The following USP25 variants were observed in gnomAD, a reference collection of about 807,000 sequenced individuals.
USP25 encodes ubiquitin carboxyl-terminal hydrolase 25.
USP25 carries 85 observed loss-of-function variants against 158.5 expected under a neutral mutation model. The observed-to-expected ratio is 0.54, with a 90% CI of 0.45 to 0.64. The LOEUF (loss-of-function observed/expected upper bound fraction) is 0.64, where lower values mean the gene tolerates loss of function less well. Ranked by LOEUF, USP25 falls within the 30% of genes least tolerant of loss-of-function variation. The pLI, the probability that USP25 is intolerant of heterozygous loss-of-function variation, is 0.00. For synonymous variants in USP25, 464 were observed against 460.4 expected (o/e 1.01, Z -0.10); for missense variants, 1,242 against 1,327.3 (o/e 0.94, Z 1.00).
At chr21:15,827,268 G>A in intron 14 of USP25, 65 bp downstream of exon 14, 1 of 1,295,412 alleles carries the variant, frequency 7.7e-7, no homozygotes, top group Non-Finnish European at 1.1e-6. Flanking sequence ...TTAATATTGA[G>A]AAGGGAAATC....
At chr21:15,731,760 A>C (rs1255788475) in intron 1 of USP25, among the ~76,000 whole-genome samples, 3 of 152,212 alleles carry the variant, frequency 2.0e-5, no homozygotes, top group Non-Finnish European at 4.4e-5. Flanking sequence ...AATAATGAGA[A>C]TTTAAAAGAG....
At chr21:15,764,626 AATT>A (rs1368980137) in intron 2 of USP25, among the ~76,000 whole-genome samples, 1 of 152,122 alleles carries the variant, frequency 6.6e-6, no homozygotes, top group Non-Finnish European at 1.5e-5. Flanking sequence ...TGTTGTTTTA[AATT>A]ATTATATGAG....
rs577781514 is a variant in USP25 at position 15,777,015 on chromosome 21, C to G, written c.269-889C>G. 2.6e-5 allele frequency among the ~76,000 whole-genome samples: 4 copies of G among 152,230 alleles called. No individual in the cohort carries two copies. The South Asian group carries it at 8.3e-4, about 32-fold the overall frequency. ...CTTAGCAATATACCATGGTTTCTATCACTGTTGAAATGATAATGGGAGTAT... is the reference window on the plus strand; with the variant it reads ...CTTAGCAATATACCATGGTTTCTATGACTGTTGAAATGATAATGGGAGTAT... On this transcript the variant is annotated intron_variant, in intron 3 of 25. Coordinates refer to ENST00000400183, the MANE Select transcript of USP25 (RefSeq NM_001283041.3).
intron 4 of USP25, among the ~76,000 whole-genome samples, chr21:15,784,529 G>A (rs957748272): frequency 1.3e-5 from 2 of 152,008 alleles, no homozygotes; most frequent in Non-Finnish European, 2.9e-5. Flanking sequence ...CCGAGATCAC[G>A]CCATTGGACT....
At chr21:15,754,903 T>C (rs1355032562) in intron 1 of USP25, among the ~76,000 whole-genome samples, 1 of 152,230 alleles carries the variant, frequency 6.6e-6, no homozygotes, top group Non-Finnish European at 1.5e-5. Context: ...GGATGTGTTA[T>C]GTACTTGAAA....
rs537101425 is a variant in USP25, at chr21:15,804,602, G to C, written c.643-519G>C. The stretch of plus-strand genomic sequence containing the variant: ...TCGGTGATTCATTGCTCAGTGAAAG[G>C]CATTTATTTCAGTAGATGTGGAATT... On this transcript the variant is annotated intron_variant, in intron 6 of 25. Coordinates refer to ENST00000400183, the MANE Select transcript of USP25 (RefSeq NM_001283041.3). 2.6e-5 allele frequency among the ~76,000 whole-genome samples: 4 copies of C among 152,088 alleles called. No individual in the cohort carries two copies. The South Asian group carries it at 8.3e-4, about 32-fold the overall frequency.
intron 1 of USP25, among the ~76,000 whole-genome samples, chr21:15,732,635 GT>G (rs535602476): frequency 8.0e-4 from 122 of 152,278 alleles, no homozygotes; most frequent in African/African-American, 2.8e-3. Flanking sequence ...AAAACTGTGT[GT>G]ACATATGTGT....
chr21:15,854,103 G>A (rs932222648), intron 20 of USP25, among the ~76,000 whole-genome samples: 1 of 151,808 alleles, frequency 6.6e-6, no homozygotes, highest in Non-Finnish European at 1.5e-5. Flanking sequence ...GTTCTTTTTT[G>A]TGCTTAGTGT....
Position 15,730,222 on chromosome 21 carries a change from G to T in USP25, c.-172G>T. 1 of 679,200 alleles carries T rather than the reference G, an allele frequency of 1.5e-6. No homozygotes were observed. Among genetic ancestry groups the T allele is most frequent in the Non-Finnish European group, 1.8e-6 (1 of 551,514 alleles). The allele number at this position is 679,200 out of a possible 1,614,324, so 42.1% of individuals were successfully genotyped here. On this transcript the variant is annotated 5_prime_UTR_variant, in exon 1 of 26. Transcript: ENST00000400183. ...AGTCGGCGTTTCGCCGCCTGCCCGC[G>T]GTGCCCGCGCACGCCGGCCGCCATC...
At chr21:15,747,723 G>C (rs1416596078) in intron 1 of USP25, among the ~76,000 whole-genome samples, 1 of 152,076 alleles carries the variant, frequency 6.6e-6, no homozygotes, top group South Asian at 2.1e-4. Flanking sequence ...TCATGTTGTG[G>C]GTGGCATGGA....
rs544502453 is a variant in USP25, at chr21:15,748,250, GA to G, written c.46-14636del. On this transcript the variant is annotated intron_variant, in intron 1 of 25. Transcript: ENST00000400183. ...ATTCTTCAGTTGGGACCATTGTAAA[GA>G]AAAACAGGTGTCAGGAACTTTCGCC... 1.1e-4 allele frequency among the ~76,000 whole-genome samples: 16 copies of G among 152,186 alleles called. No individual in the cohort carries two copies. In the East Asian group the frequency reaches 3.1e-3, roughly 29 times the overall value.
rs112899471 is a variant in USP25 at position 15,762,015 on chromosome 21, G to T, written c.46-876G>T. Among the ~76,000 whole-genome samples, 1,325 of 152,154 alleles carry T rather than the reference G, an allele frequency of 8.7e-3. 13 individuals are homozygous for T. Among genetic ancestry groups the T allele is most frequent in the Middle Eastern group, 0.041 (12 of 294 alleles). On this transcript the variant is annotated intron_variant, in intron 1 of 25. Transcript: ENST00000400183. ...TTCTCCCTTTATAATTTGTGGAAGA[G>T]AATTTAAAATGATGTAAATATTCTG...
rs74659091 is a variant in USP25, at chr21:15,868,722, A to G, written c.2806-1346A>G. ...TTGTCTGTGGATACTTTCACACTGC[A>G]GTTACAGAGTTGAGTAACTGAAGAA... On this transcript the variant is annotated intron_variant, in intron 22 of 25. Coordinates refer to ENST00000400183, the MANE Select transcript of USP25 (RefSeq NM_001283041.3). Among the ~76,000 whole-genome samples, 1,360 of 152,282 alleles carry G rather than the reference A, an allele frequency of 8.9e-3. 19 individuals carry two copies. The highest frequency in any genetic ancestry group is 0.031 in the African/African-American group (1,271 of 41,556).
At chr21:15,797,236 A>G (rs2035904932) in intron 5 of USP25, among the ~76,000 whole-genome samples, 2 of 151,446 alleles carry the variant, frequency 1.3e-5, no homozygotes, top group African/African-American at 2.4e-5. Flanking sequence ...ATTACTCACA[A>G]TATTCCAAAC....
intron 3 of USP25, among the ~76,000 whole-genome samples, chr21:15,771,546 T>C (rs533172848): frequency 1.3e-5 from 2 of 152,292 alleles, no homozygotes; most frequent in East Asian, 3.9e-4. Context: ...CACAGCCTTG[T>C]TGAAGCTGAA....
intron 5 of USP25, among the ~76,000 whole-genome samples, chr21:15,793,940 G>T (rs985277676): frequency 3.3e-5 from 5 of 151,670 alleles, no homozygotes; most frequent in Admixed American, 2.0e-4. Context: ...ATCATAAATT[G>T]ACTTTTTACT....
chr21:15,730,550 C>T (rs2030708930), intron 1 of USP25, 112 bp downstream of exon 1: 2 of 1,172,902 alleles, frequency 1.7e-6, no homozygotes, highest in Non-Finnish European at 1.1e-6. Flanking sequence ...GGGCTTCCTC[C>T]CCGGTCACCC....
At chr21:15,791,394 C>T (rs751579187) in intron 4 of USP25, 108 bp from the exon 5 acceptor site, 1 of 1,192,476 alleles carries the variant, frequency 8.4e-7, no homozygotes, top group Non-Finnish European at 1.1e-6. Context: ...ATTATTTCTT[C>T]AAATACATTA....
At chr21:15,830,757 A>G (rs1285874025) in intron 15 of USP25, among the ~76,000 whole-genome samples, 156 bp downstream of exon 15, 7 of 152,162 alleles carry the variant, frequency 4.6e-5, no homozygotes, top group Admixed American at 3.9e-4. Flanking sequence ...AATATGTACA[A>G]TGTGACAGTT....
Sources: allele counts gnomAD v4.1 joint callset (sites outside exome capture counted in the v4.1 genomes callset), GRCh38; gene constraint gnomAD v4.1.1; transcripts MANE v1.5; gene names NCBI Gene and HGNC (gene_info 2026-07-23, HGNC 2026-07-21).